The following GNG2 variants were observed in gnomAD, a reference collection of about 807,000 sequenced individuals.
The protein encoded by GNG2 is G protein subunit gamma 2.
GNG2 carries 5 observed loss-of-function variants against 5.5 expected under a neutral mutation model. The ratio of observed to expected loss-of-function variants is 0.91; its 90% CI spans 0.48 to 1.92. The LOEUF (loss-of-function observed/expected upper bound fraction) is 1.92. Among genes scored for constraint, GNG2 ranks in the 30% most tolerant of loss-of-function variants. The pLI is 0.01. For missense variants in GNG2, 55 were observed against 88.4 expected (o/e 0.62, Z 1.52); for synonymous variants, 28 against 32.0 (o/e 0.88, Z 0.42).
chr14:51,966,252 A>G (rs57163007), intron 3 of GNG2, among the ~76,000 whole-genome samples: 8,061 of 147,012 alleles, frequency 0.055, 689 homozygotes, highest in African/African-American at 0.18. Context: ...TGAAGGAGAC[A>G]GCCACCTGCG....
At chr14:51,836,212 T>C (rs1881327169) in intron 2 of GNG2, among the ~76,000 whole-genome samples, 2 of 152,040 alleles carry the variant, frequency 1.3e-5, no homozygotes, top group African/African-American at 4.8e-5. Flanking sequence ...CCTCATGACC[T>C]GATTATCTCG....
intron 2 of GNG2, among the ~76,000 whole-genome samples, chr14:51,833,502 A>C (rs1881251690): frequency 6.6e-6 from 1 of 152,210 alleles, no homozygotes; most frequent in African/African-American, 2.4e-5. Flanking sequence ...TGTGAATACA[A>C]ATATATAATA....
chr14:51,926,357 T>C (rs1268192133), intron 2 of GNG2, among the ~76,000 whole-genome samples: 1 of 152,216 alleles, frequency 6.6e-6, no homozygotes, highest in Non-Finnish European at 1.5e-5. Flanking sequence ...TCTTCCCTTC[T>C]AAACAAGTCA....
At chr14:51,875,500 G>C (rs1883596050) in intron 1 of GNG2, among the ~76,000 whole-genome samples, 1 of 152,132 alleles carries the variant, frequency 6.6e-6, no homozygotes, top group African/African-American at 2.4e-5. Context: ...GGTATATCTA[G>C]CAATTTCTGC....
chr14:51,845,004 C>T (rs1050222786), intron 2 of GNG2, among the ~76,000 whole-genome samples: 3 of 151,972 alleles, frequency 2.0e-5, no homozygotes, highest in Non-Finnish European at 2.9e-5. Flanking sequence ...GGATTACAGG[C>T]GTTAGCCACC....
intron 2 of GNG2, among the ~76,000 whole-genome samples, chr14:51,837,314 G>A (rs1434228124): frequency 1.3e-5 from 2 of 152,112 alleles, no homozygotes; most frequent in Admixed American, 1.3e-4. Flanking sequence ...CTTATTATGA[G>A]CAAAGCACTC....
chr14:51,882,977 T>C lies in GNG2; in HGVS notation c.-30+5320T>C, dbSNP rs527596159. 1.0e-4 allele frequency among the ~76,000 whole-genome samples: 14 copies of C among 134,066 alleles called. 1 individual carries two copies. In the South Asian group the frequency reaches 2.7e-3, roughly 26 times the overall value. 88.0% of individuals were successfully genotyped at this position (134,066 alleles called of 152,430 possible). On this transcript the variant is annotated intron_variant, in intron 2 of 3. Transcript: ENST00000556766. ...GTGAGCAGAGATCGTGCCACTGCAC[T>C]CCAGCCTGGGTGACAGAGCGAGACT...
intron 2 of GNG2, among the ~76,000 whole-genome samples, chr14:51,834,365 C>T (rs960505766): frequency 1.3e-5 from 2 of 152,210 alleles, no homozygotes; most frequent in Non-Finnish European, 2.9e-5. Context: ...ACTTGCCTGG[C>T]TTCTGCCTGC....
chr14:51,923,374 T>G (rs1887128354), intron 2 of GNG2, among the ~76,000 whole-genome samples: 1 of 152,136 alleles, frequency 6.6e-6, no homozygotes, highest in African/African-American at 2.4e-5. Context: ...AGGGTTGGTG[T>G]AGAGATTCAC....
chr14:51,954,027 C>T (rs1338139359), intron 3 of GNG2, among the ~76,000 whole-genome samples: 1 of 152,120 alleles, frequency 6.6e-6, no homozygotes, highest in Non-Finnish European at 1.5e-5. Context: ...TGTTGAGGGT[C>T]CCTTAAGCAG....
At chr14:51,934,673 C>A (rs1182684822) in intron 2 of GNG2, among the ~76,000 whole-genome samples, 1 of 152,194 alleles carries the variant, frequency 6.6e-6, no homozygotes, top group Admixed American at 6.5e-5. Flanking sequence ...CACTGACTCC[C>A]ACGTTCTCTA....
At chr14:51,918,617 T>C (rs534552317) in intron 2 of GNG2, 54 of 152,336 alleles carry the variant, frequency 3.5e-4, no homozygotes, top group African/African-American at 1.3e-3. Flanking sequence ...AACTAACTTA[T>C]ATAACACAAA....
In GNG2 at chr14:51,841,675, A is replaced by T. The variant is rs987719887; in HGVS notation, c.64+13868A>T. 62 of 612,898 alleles carry T rather than the reference A, an allele frequency of 1.0e-4. No individual in the cohort carries two copies. The African/African-American group carries it at 1.1e-3, about 11-fold the overall frequency. 38.0% of individuals were successfully genotyped at this position (612,898 alleles called of 1,614,324 possible). ...AGGCACATGAAAAGGGAAGGGTAGG[A>T]TGGAGGCAGATGAGAAAAATCACTT... On this transcript the variant is annotated intron_variant, in intron 2 of 3. Coordinates refer to the GNG2 transcript ENST00000553432.
intron 2 of GNG2, among the ~76,000 whole-genome samples, chr14:51,853,361 C>T (rs1294694338): frequency 6.6e-6 from 1 of 152,130 alleles, no homozygotes; most frequent in African/African-American, 2.4e-5. Flanking sequence ...ATTCACAAGC[C>T]ATAGTTCCCT....
At chr14:51,839,020 A>C (rs1457379643) in intron 2 of GNG2, among the ~76,000 whole-genome samples, 2 of 148,428 alleles carry the variant, frequency 1.3e-5, no homozygotes, top group African/African-American at 5.0e-5. Context: ...CCATAAGACT[A>C]CCTATTGTCA....
At chr14:51,891,845 G>T (rs1002561788) in intron 2 of GNG2, among the ~76,000 whole-genome samples, 7 of 152,160 alleles carry the variant, frequency 4.6e-5, no homozygotes, top group African/African-American at 1.7e-4. Context: ...GGGCATTTGG[G>T]TTGTGTCCAC....
chr14:51,915,728 T>A (rs1027037127), intron 2 of GNG2, among the ~76,000 whole-genome samples: 4 of 152,266 alleles, frequency 2.6e-5, no homozygotes, highest in Non-Finnish European at 5.9e-5. Flanking sequence ...AAAAAAGTGG[T>A]ATTTCTTTAA....
intron 2 of GNG2, among the ~76,000 whole-genome samples, chr14:51,880,967 G>GAAAAAAAAAAAAAAAAAAAAAA (rs11463019): frequency 9.8e-5 from 10 of 101,926 alleles, no homozygotes; most frequent in African/African-American, 1.9e-4. Context: ...CAAAAAAAAA[G>GAAAAAAAAAAAAAAAAAAAAAA]AAAAAAAAAA....
intron 2 of GNG2, among the ~76,000 whole-genome samples, chr14:51,922,407 G>C (rs1459679962): frequency 6.6e-6 from 1 of 152,174 alleles, no homozygotes; most frequent in Non-Finnish European, 1.5e-5. Context: ...GAGTCTCTCA[G>C]TGTTTTTTGC....
Sources: allele counts gnomAD v4.1 joint callset (sites outside exome capture counted in the v4.1 genomes callset), GRCh38; gene constraint gnomAD v4.1.1; transcripts MANE v1.5; gene names NCBI Gene and HGNC (gene_info 2026-07-23, HGNC 2026-07-21).